RASA3: variants seen among roughly 807,000 people sequenced by gnomAD.
RASA3 encodes the protein ras GTPase-activating protein 3.
In RASA3, 73 loss-of-function variants were observed where a neutral mutation model predicts 110.0. The ratio of observed to expected loss-of-function variants is 0.66; its 90% CI spans 0.55 to 0.81. The LOEUF (loss-of-function observed/expected upper bound fraction) is 0.81. Ranked by LOEUF, RASA3 falls within the 30% of genes least tolerant of loss-of-function variation. RASA3 has a pLI of 0.00. For synonymous variants in RASA3, 500 were observed against 451.4 expected, an observed-to-expected ratio of 1.11 and a Z score of -1.37; for missense variants, 976 against 1,113.2, an observed-to-expected ratio of 0.88 and a Z score of 1.75.
chr13:114,107,031 G>A (rs1426758019), intron 1 of RASA3, among the ~76,000 whole-genome samples: 4 of 152,238 alleles, frequency 2.6e-5, no homozygotes, highest in African/African-American at 9.6e-5. Context: ...ACGGCTTGGT[G>A]TGCACGCCCA....
intron 1 of RASA3, among the ~76,000 whole-genome samples, chr13:114,131,743 C>CACACACGCGCCCACACACAAAT (rs2080522991): frequency 6.6e-6 from 1 of 151,474 alleles, no homozygotes; most frequent in Non-Finnish European, 1.5e-5. Flanking sequence ...AACGCGCGCA[C>CACACACGCGCCCACACACAAAT]ACACACGCGC....
At chr13:114,040,209 GAACAGACACAATGCAAAATCCATGACA>G (rs2054369234) in intron 4 of RASA3, among the ~76,000 whole-genome samples, 1 of 152,104 alleles carries the variant, frequency 6.6e-6, no homozygotes, top group African/African-American at 2.4e-5. Context: ...ACAAGTGGGC[GAACAGACACAATGCAAAATCCATGACA>G]GAGCCTGCGC....
At chr13:114,037,518 A>C (rs2054300768) in intron 4 of RASA3, among the ~76,000 whole-genome samples, 1 of 152,140 alleles carries the variant, frequency 6.6e-6, no homozygotes, top group African/African-American at 2.4e-5. Flanking sequence ...CGTGTGAATA[A>C]AACTCTAGCC....
chr13:114,094,954 T>C (rs892014913), intron 1 of RASA3, among the ~76,000 whole-genome samples: 1 of 152,224 alleles, frequency 6.6e-6, no homozygotes, highest in Non-Finnish European at 1.5e-5. Flanking sequence ...CACCCTATTC[T>C]TACATCTCAG....
In RASA3 at chr13:114,115,013, C is replaced by T. The variant is rs916523791; in HGVS notation, c.55+17422G>A. ...CCCCAGCTGTGAGATGCTGCAGGTT[C>T]CCCAGCCCCACCCCCAGCTGTGAGA... is the stretch of plus-strand genomic sequence containing the variant. On this transcript the variant is annotated intron_variant, in intron 1 of 23. Coordinates refer to ENST00000334062, the MANE Select transcript of RASA3 (RefSeq NM_007368.4). This position sits in a 1 kb window ranked among gnomAD's most constrained non-coding sequence, Gnocchi z 5.0. 2.0e-5 allele frequency among the ~76,000 whole-genome samples: 3 copies of T among 150,122 alleles called. No homozygotes were observed. The highest frequency in any genetic ancestry group is 1.5e-5 in the Non-Finnish European group (1 of 67,190).
chr13:114,097,847 T>G (rs1290730748), intron 1 of RASA3, among the ~76,000 whole-genome samples: 1 of 152,172 alleles, frequency 6.6e-6, no homozygotes, highest in African/African-American at 2.4e-5. Context: ...AGGCCCTGCC[T>G]GGGTCTCAAG....
At chr13:114,045,463 A>G (rs899648312) in intron 3 of RASA3, among the ~76,000 whole-genome samples, 6 of 152,178 alleles carry the variant, frequency 3.9e-5, no homozygotes, top group Non-Finnish European at 7.3e-5. Context: ...AAAAGGGGAA[A>G]CAGCCACAGG....
intron 18 of RASA3, among the ~76,000 whole-genome samples, chr13:114,002,385 C>T (rs2053425834): frequency 1.3e-5 from 2 of 152,002 alleles, no homozygotes; most frequent in Non-Finnish European, 2.9e-5. Flanking sequence ...CAGTGGATGC[C>T]GAACGCCGTT....
In RASA3 at chr13:114,014,576, G is replaced by T. The variant is rs2053747097; in HGVS notation, c.1405+633C>A. On this transcript the variant is annotated intron_variant, in intron 14 of 23. Coordinates refer to ENST00000334062, the MANE Select transcript of RASA3 (RefSeq NM_007368.4). This position sits in a 1 kb window ranked among gnomAD's most constrained non-coding sequence, Gnocchi z 4.5. The stretch of plus-strand genomic sequence containing the variant: ...CCCATACATAGCCTGAGTCCTGGCG[G>T]GGTCTTGAGTATCGCAGGTGATGGG... 6.6e-6 allele frequency among the ~76,000 whole-genome samples: 1 copy of T among 152,196 alleles called. No individual in the cohort carries two copies. Among genetic ancestry groups the T allele is most frequent in the Non-Finnish European group, 1.5e-5 (1 of 68,028 alleles).
At chr13:114,061,155 C>T (rs1251931188) in intron 2 of RASA3, among the ~76,000 whole-genome samples, 1 of 152,144 alleles carries the variant, frequency 6.6e-6, no homozygotes, top group Non-Finnish European at 1.5e-5. Flanking sequence ...CGAGGGAATA[C>T]CACAGAAATA....
At chr13:113,982,083 G>A (rs377302650) in intron 22 of RASA3, among the ~76,000 whole-genome samples, 2 of 152,342 alleles carry the variant, frequency 1.3e-5, no homozygotes, top group East Asian at 1.9e-4. Flanking sequence ...ATTGGGAGCT[G>A]GATGCTGAGC....
At chr13:114,123,317 C>T (rs183393741) in intron 1 of RASA3, among the ~76,000 whole-genome samples, 11 of 152,300 alleles carry the variant, frequency 7.2e-5, no homozygotes, top group East Asian at 1.9e-4. Flanking sequence ...GGGTTTGGAA[C>T]CAAAACAAGA....
chr13:114,073,862 C>T, intron 1 of RASA3, 25 bp from the exon 2 acceptor site: 17 of 1,560,658 alleles, frequency 1.1e-5, no homozygotes, highest in Non-Finnish European at 1.5e-5. Flanking sequence ...CGACATACAT[C>T]ATCAGCAGCG....
intron 3 of RASA3, among the ~76,000 whole-genome samples, chr13:114,042,053 T>C (rs183666282): frequency 2.0e-5 from 3 of 152,396 alleles, no homozygotes; most frequent in Non-Finnish European, 2.9e-5. Flanking sequence ...TATCAGAATA[T>C]ATTTGTACAA....
At chr13:114,025,557 C>T (rs2054010811) in intron 7 of RASA3, among the ~76,000 whole-genome samples, 1 of 152,268 alleles carries the variant, frequency 6.6e-6, no homozygotes, top group Non-Finnish European at 1.5e-5. Context: ...GTTTGCATCC[C>T]TCCCATGCTG....
intron 2 of RASA3, among the ~76,000 whole-genome samples, chr13:114,070,686 G>A (rs1295043959): frequency 2.8e-5 from 4 of 144,872 alleles, no homozygotes; most frequent in Non-Finnish European, 4.5e-5. Flanking sequence ...CAGGGCTGCC[G>A]GCGTCCACGC....
intron 1 of RASA3, among the ~76,000 whole-genome samples, chr13:114,105,003 G>C (rs1311480779): frequency 1.3e-5 from 2 of 150,074 alleles, no homozygotes; most frequent in Non-Finnish European, 3.0e-5. Flanking sequence ...TCGGCCCCCC[G>C]AGCCCAGCTT....
At chr13:114,029,959 G>C in intron 4 of RASA3, 72 bp from the exon 5 acceptor site, 9 of 1,421,948 alleles carry the variant, frequency 6.3e-6, no homozygotes, top group Non-Finnish European at 7.7e-6. Context: ...CGCGCGCCCA[G>C]GGAAAGCCTA....
At position 114,007,539 on chromosome 13, in the gene RASA3, T is replaced by G; in HGVS notation, c.1736A>C (p.Lys579Thr). The change falls in exon 18 of 24, where the codon AAA becomes ACA. Residue 579 changes from lysine (K) to threonine (T), a missense_variant. Coordinates refer to ENST00000334062, the MANE Select transcript of RASA3 (RefSeq NM_007368.4). The part of the protein sequence containing the change: ...PKSVEQPIVL[K>T]EGFMIKRAQG... ...GCCACCTTACCCTCCTTACCCTTCT[T>G]TAAGCACGATGGGCTGCTCAACACT... 6.2e-7 allele frequency: 1 copy of G among 1,612,594 alleles called. No homozygotes were observed. The highest frequency in any genetic ancestry group is 1.3e-5 in the African/African-American group (1 of 74,932).
Sources: allele counts gnomAD v4.1 joint callset (sites outside exome capture counted in the v4.1 genomes callset), GRCh38; gene constraint gnomAD v4.1.1; non-coding constraint Gnocchi (gnomAD v3.1); transcripts MANE v1.5; gene names NCBI Gene and HGNC (gene_info 2026-07-23, HGNC 2026-07-21).